Variants in PCDH15 observed in about 807,000 individuals in gnomAD.
PCDH15 encodes protocadherin related 15, also known as protocadherin-15.
A neutral mutation model predicts 178.5 loss-of-function variants in PCDH15; 129 were observed. That is an observed-to-expected ratio of 0.72 (90% CI 0.63 to 0.84). PCDH15 has a LOEUF of 0.84. PCDH15 is among the 40% of genes least tolerant of loss of function. The probability of loss-of-function intolerance (pLI) is 0.00; values close to 1 mark genes in which losing one functional copy is unlikely to be tolerated. For missense variants in PCDH15, 2,230 were observed against 2,099.9 expected (o/e 1.06, Z -1.21); for synonymous variants, 800 against 732.0 (o/e 1.09, Z -1.50).
chr10:54,012,566 A>G (rs1245174791), intron 20 of PCDH15, among the ~76,000 whole-genome samples: 3 of 152,172 alleles, frequency 2.0e-5, no homozygotes, highest in African/African-American at 7.2e-5. Flanking sequence ...GAAACCTACA[A>G]AGAGAACCCA....
At chr10:55,445,992 T>G (rs1839307444) in intron 2 of PCDH15, among the ~76,000 whole-genome samples, 2 of 152,146 alleles carry the variant, frequency 1.3e-5, no homozygotes, top group Admixed American at 1.3e-4. Context: ...CAGAAATATT[T>G]GTATTAAACA....
chr10:55,396,927 A>G (rs1837944433), intron 2 of PCDH15, among the ~76,000 whole-genome samples: 1 of 152,214 alleles, frequency 6.6e-6, no homozygotes, highest in Non-Finnish European at 1.5e-5. Context: ...TTTTTGTATA[A>G]GTAACTGAAT....
intron 3 of PCDH15, among the ~76,000 whole-genome samples, chr10:54,807,227 T>G (rs1952793446): frequency 6.6e-6 from 1 of 152,140 alleles, no homozygotes; most frequent in Non-Finnish European, 1.5e-5. Flanking sequence ...TTCTGAACAA[T>G]CAAACATACT....
Position 54,982,710 on chromosome 10 carries a change from T to C in PCDH15, c.-79-85210A>G, listed in dbSNP as rs536249913. ...TAGTAAAATCTTATAAAATCTACTT[T>C]CTAAAAATTTTTCAGCAACAACCTA... On this transcript the variant is annotated intron_variant, in intron 2 of 5. Transcript: ENST00000458638. Among the ~76,000 whole-genome samples, 4 of 152,300 alleles carry C rather than the reference T, an allele frequency of 2.6e-5. No homozygotes were observed. In the East Asian group the frequency reaches 7.7e-4, roughly 29 times the overall value.
chr10:54,384,326 C>A (rs1054074912), intron 3 of PCDH15, among the ~76,000 whole-genome samples: 1 of 149,104 alleles, frequency 6.7e-6, no homozygotes, highest in African/African-American at 2.5e-5. Context: ...GATCCCCCCC[C>A]TTTTTTTTTT....
intron 2 of PCDH15, among the ~76,000 whole-genome samples, chr10:54,565,321 C>T (rs1389523304): frequency 2.6e-5 from 4 of 152,142 alleles, no homozygotes; most frequent in African/African-American, 4.8e-5. Context: ...CAATCACATC[C>T]AGCTATGGAG....
At chr10:53,900,224 T>C (rs1466276099) in intron 26 of PCDH15, among the ~76,000 whole-genome samples, 1 of 151,688 alleles carries the variant, frequency 6.6e-6, no homozygotes, top group Non-Finnish European at 1.5e-5. Flanking sequence ...TCTCTCTCTC[T>C]CTCTCTCTCC....
chr10:55,384,196 T>G (rs1837600625), intron 2 of PCDH15, among the ~76,000 whole-genome samples: 1 of 152,172 alleles, frequency 6.6e-6, no homozygotes, highest in Admixed American at 6.5e-5. Context: ...CTCCTGAATG[T>G]TCCTTTTGGG....
At chr10:54,323,686 C>T (rs763063234) in intron 7 of PCDH15, among the ~76,000 whole-genome samples, 2 of 152,042 alleles carry the variant, frequency 1.3e-5, no homozygotes, top group Non-Finnish European at 2.9e-5. Context: ...GGAAATAAAC[C>T]TGGGAACAGT....
rs1229493257 is a variant in PCDH15, at chr10:54,853,275, G to GTGTA, written c.-29+44171_-29+44174dup. On this transcript the variant is annotated intron_variant, in intron 3 of 5. Coordinates refer to the PCDH15 transcript ENST00000458638. ...AACTCTGTCTCAAATATATATATAT[G>GTGTA]TGTATGTATGTGTGTATATATATAT... Among the ~76,000 whole-genome samples the GTGTA allele has an allele frequency of 7.8e-4, 74 of 95,476 alleles. 2 individuals are homozygous for GTGTA. The East Asian group carries it at 0.011, about 14-fold the overall frequency. The allele number at this position is 95,476 out of a possible 152,430, so 62.6% of individuals were successfully genotyped here.
intron 2 of PCDH15, among the ~76,000 whole-genome samples, chr10:54,554,567 G>A (rs1356724602): frequency 6.6e-6 from 1 of 152,082 alleles, no homozygotes; most frequent in Non-Finnish European, 1.5e-5. Flanking sequence ...AAATATTTTG[G>A]AGGCTACCCC....
intron 2 of PCDH15, among the ~76,000 whole-genome samples, chr10:55,397,146 T>C (rs368674071): frequency 4.2e-4 from 64 of 152,304 alleles, no homozygotes; most frequent in African/African-American, 1.5e-3. Context: ...CAATAATATT[T>C]CTAGTATAAA....
intron 2 of PCDH15, among the ~76,000 whole-genome samples, chr10:54,593,067 T>C (rs914173951): frequency 4.6e-5 from 7 of 152,116 alleles, no homozygotes; most frequent in African/African-American, 1.7e-4. Context: ...ACTCCTTATA[T>C]ATTTTGAATA....
At chr10:55,449,262 A>C (rs547665527) in intron 2 of PCDH15, among the ~76,000 whole-genome samples, 11 of 152,204 alleles carry the variant, frequency 7.2e-5, no homozygotes, top group African/African-American at 2.6e-4. Context: ...GAATGGTACC[A>C]CTACCTGCTA....
intron 3 of PCDH15, among the ~76,000 whole-genome samples, chr10:54,853,289 GTATATATATATA>G (rs71014423): frequency 7.9e-4 from 81 of 102,550 alleles, no homozygotes; most frequent in South Asian, 3.7e-3. Flanking sequence ...ATGTATGTGT[GTATATATATATA>G]TATATATATA....
intron 2 of PCDH15, among the ~76,000 whole-genome samples, chr10:55,527,284 CA>C (rs1251561436): frequency 6.6e-6 from 1 of 152,012 alleles, no homozygotes; most frequent in Non-Finnish European, 1.5e-5. Flanking sequence ...GTTAAGGTGT[CA>C]GCCAGAATGG....
intron 2 of PCDH15, among the ~76,000 whole-genome samples, chr10:55,527,512 C>T (rs528104666): frequency 1.3e-3 from 201 of 152,104 alleles, no homozygotes; most frequent in African/African-American, 4.6e-3. Flanking sequence ...GGAATTACAT[C>T]AGTAACTACT....
intron 2 of PCDH15, among the ~76,000 whole-genome samples, chr10:55,385,674 C>G (rs1837635884): frequency 7.0e-6 from 1 of 142,082 alleles, no homozygotes; most frequent in Non-Finnish European, 1.5e-5. Flanking sequence ...GTCTAGCCCA[C>G]TCTATCTTCT....
At chr10:54,334,489 AAGATGCTC>A (rs1331969158) in intron 6 of PCDH15, among the ~76,000 whole-genome samples, 1 of 152,164 alleles carries the variant, frequency 6.6e-6, no homozygotes, top group African/African-American at 2.4e-5. Flanking sequence ...CCTACAGTTA[AAGATGCTC>A]TAGAAATGGA....
Sources: allele counts gnomAD v4.1 joint callset (sites outside exome capture counted in the v4.1 genomes callset), GRCh38; gene constraint gnomAD v4.1.1; transcripts MANE v1.5; gene names NCBI Gene and HGNC (gene_info 2026-07-23, HGNC 2026-07-21).